SPOCK3: variants seen among roughly 807,000 people sequenced by gnomAD.
SPOCK3 encodes SPARC (osteonectin), cwcv and kazal like domains proteoglycan 3.
A neutral mutation model predicts 56.6 loss-of-function variants in SPOCK3; 30 were observed. The ratio of observed to expected loss-of-function variants is 0.53; its 90% confidence interval spans 0.40 to 0.72. SPOCK3 has a LOEUF of 0.72. Among genes scored for constraint, SPOCK3 ranks in the 30% least tolerant of loss-of-function variants. The pLI is 0.00. For synonymous variants in SPOCK3, 196 were observed against 183.3 expected (o/e 1.07, Z -0.56); for missense variants, 527 against 530.0 (o/e 0.99, Z 0.06).
intron 6 of SPOCK3, among the ~76,000 whole-genome samples, chr4:166,822,678 T>C (rs540939621): frequency 2.6e-5 from 4 of 152,158 alleles, no homozygotes; most frequent in East Asian, 3.9e-4. Flanking sequence ...CTGATAACAA[T>C]TGGTTCCTAA....
At chr4:167,226,390 A>G (rs1386536459) in intron 2 of SPOCK3, among the ~76,000 whole-genome samples, 1 of 152,154 alleles carries the variant, frequency 6.6e-6, no homozygotes, top group Admixed American at 6.5e-5. Context: ...GGATACTGGG[A>G]TAATATGGAA....
intron 8 of SPOCK3, among the ~76,000 whole-genome samples, chr4:166,752,644 T>C (rs1736571117): frequency 6.6e-6 from 1 of 151,034 alleles, no homozygotes; most frequent in Non-Finnish European, 1.5e-5. Flanking sequence ...AACAAGAATT[T>C]CAGGAAAATA....
At chr4:167,009,636 A>G (rs1561114923) in intron 3 of SPOCK3, among the ~76,000 whole-genome samples, 1 of 152,200 alleles carries the variant, frequency 6.6e-6, no homozygotes, top group Admixed American at 6.5e-5. Flanking sequence ...ACCAAAAAAA[A>G]CAACAACAAA....
At chr4:166,983,290 T>A (rs1173706183) in intron 4 of SPOCK3, among the ~76,000 whole-genome samples, 1 of 152,084 alleles carries the variant, frequency 6.6e-6, no homozygotes, top group Non-Finnish European at 1.5e-5. Flanking sequence ...TTTACTTGTT[T>A]ACAATTATTT....
chr4:166,971,929 G>A (rs1440705449), intron 4 of SPOCK3, among the ~76,000 whole-genome samples: 1 of 152,084 alleles, frequency 6.6e-6, no homozygotes, highest in African/African-American at 2.4e-5. Flanking sequence ...AAGGCACAAG[G>A]TACAGTGTAC....
rs72697570 is a variant in SPOCK3 at position 166,948,377 on chromosome 4, G to A, written c.351-35634C>T. On this transcript the variant is annotated intron_variant, in intron 4 of 10. Coordinates refer to ENST00000357545, the MANE Select transcript of SPOCK3 (RefSeq NM_001040159.2). ...GCATTTCTTTTGAATATATAACCCAGTAGTAAGATTGCTGGATCATATGGT... is the reference window on the plus strand; with the variant it reads ...GCATTTCTTTTGAATATATAACCCAATAGTAAGATTGCTGGATCATATGGT... 5.2e-3 allele frequency among the ~76,000 whole-genome samples: 796 copies of A among 152,212 alleles called. 1 individual carries two copies. The highest frequency in any genetic ancestry group is 9.0e-3 in the Non-Finnish European group (615 of 68,008).
chr4:166,844,880 T>C (rs1050578171), intron 6 of SPOCK3, among the ~76,000 whole-genome samples: 18 of 152,232 alleles, frequency 1.2e-4, no homozygotes, highest in Non-Finnish European at 2.5e-4. Flanking sequence ...CTGACTATAG[T>C]TGCTCAAAAT....
intron 3 of SPOCK3, among the ~76,000 whole-genome samples, chr4:167,007,473 G>A (rs893420876): frequency 1.3e-4 from 20 of 150,760 alleles, no homozygotes; most frequent in Admixed American, 8.6e-4. Context: ...TTTTTGGTCC[G>A]TGGCTGCTTG....
intron 2 of SPOCK3, among the ~76,000 whole-genome samples, chr4:167,218,435 C>T (rs541750190): frequency 2.0e-5 from 3 of 152,210 alleles, no homozygotes; most frequent in Non-Finnish European, 4.4e-5. Context: ...AATAAAGAGG[C>T]ACTCCTCCCA....
At chr4:166,889,292 C>A in intron 5 of SPOCK3, 48 bp from the exon 6 acceptor site, 1 of 1,180,314 alleles carries the variant, frequency 8.5e-7, no homozygotes, top group South Asian at 1.3e-5. Context: ...TTAGTTATAT[C>A]AGTAAAACTC....
rs562735559 is a variant in SPOCK3, at chr4:167,041,238, G to A, written c.235+21254C>T. Among the ~76,000 whole-genome samples the A allele has an allele frequency of 1.2e-4, 18 of 152,264 alleles. No homozygotes were observed. The South Asian group carries it at 3.7e-3, about 32-fold the overall frequency. ...TAATAAACATGGCAACAGAATAAAA[G>A]CAATAAAAATGGGAGCTTGTGTGAG... On this transcript the variant is annotated intron_variant, in intron 3 of 10. Transcript: ENST00000357545.
intron 3 of SPOCK3, among the ~76,000 whole-genome samples, chr4:167,032,641 T>C (rs990644064): frequency 1.3e-5 from 2 of 151,910 alleles, no homozygotes; most frequent in African/African-American, 4.8e-5. Context: ...TGTGTGTTTA[T>C]GACTAAAATA....
chr4:166,897,358 T>C (rs747871863), intron 5 of SPOCK3, among the ~76,000 whole-genome samples: 6 of 152,144 alleles, frequency 3.9e-5, no homozygotes, highest in Admixed American at 1.3e-4. Flanking sequence ...TTAGGAAATA[T>C]AGTTGCAAGA....
intron 4 of SPOCK3, among the ~76,000 whole-genome samples, chr4:166,995,329 A>G (rs1191361083): frequency 6.6e-6 from 1 of 152,022 alleles, no homozygotes; most frequent in Non-Finnish European, 1.5e-5. Context: ...ATCTTTTAAG[A>G]AGAGGAATCA....
intron 8 of SPOCK3, among the ~76,000 whole-genome samples, chr4:166,750,791 C>A (rs2126468969): frequency 6.6e-6 from 1 of 152,236 alleles, no homozygotes; most frequent in South Asian, 2.1e-4. Flanking sequence ...CCAACAGTTA[C>A]TACAATACAA....
intron 7 of SPOCK3, among the ~76,000 whole-genome samples, chr4:166,769,898 T>TC (rs893506389): frequency 6.6e-6 from 1 of 151,970 alleles, no homozygotes; most frequent in Non-Finnish European, 1.5e-5. Flanking sequence ...CAGGCGCCCC[T>TC]CCCCCAGCCT....
intron 2 of SPOCK3, among the ~76,000 whole-genome samples, chr4:167,104,667 T>A (rs1212852323): frequency 2.0e-5 from 3 of 151,896 alleles, no homozygotes; most frequent in Admixed American, 6.6e-5. Context: ...AGGTAGAAAG[T>A]TTATTGAAAG....
At chr4:167,216,408 G>A (rs917691270) in intron 2 of SPOCK3, among the ~76,000 whole-genome samples, 2 of 152,058 alleles carry the variant, frequency 1.3e-5, no homozygotes, top group Non-Finnish European at 2.9e-5. Context: ...AAGTATTATT[G>A]GTGCTTGCAG....
intron 3 of SPOCK3, among the ~76,000 whole-genome samples, chr4:167,030,857 C>T (rs1215740752): frequency 6.6e-6 from 1 of 152,028 alleles, no homozygotes; most frequent in Non-Finnish European, 1.5e-5. Flanking sequence ...GTTTCTCCAA[C>T]AAGCTGCAGG....
Sources: allele counts gnomAD v4.1 joint callset (sites outside exome capture counted in the v4.1 genomes callset), GRCh38; gene constraint gnomAD v4.1.1; transcripts MANE v1.5; gene names NCBI Gene and HGNC (gene_info 2026-07-23, HGNC 2026-07-21).